Variants in ARNT observed in about 807,000 individuals in gnomAD.
ARNT encodes the protein class E basic helix-loop-helix protein 2.
Under a neutral mutation model 105.0 loss-of-function variants are expected in ARNT, and 30 were observed. The observed-to-expected ratio is 0.29, with a 90% CI of 0.21 to 0.39. ARNT has a LOEUF of 0.39. ARNT is among the 10% of genes least tolerant of loss of function. The probability of loss-of-function intolerance (pLI) is 1.00; values close to 1 mark genes in which losing one functional copy is unlikely to be tolerated. For missense variants in ARNT, 748 were observed against 978.7 expected, an observed-to-expected ratio of 0.76 and a Z score of 3.15; for synonymous variants, 304 against 344.0, an observed-to-expected ratio of 0.88 and a Z score of 1.29.
At chr1:150,863,538 A>G (rs1666031537) in intron 1 of ARNT, among the ~76,000 whole-genome samples, 1 of 151,906 alleles carries the variant, frequency 6.6e-6, no homozygotes, top group Non-Finnish European at 1.5e-5. Flanking sequence ...CCTTAAAAAA[A>G]GTAAAGGAGA....
At chr1:150,845,892 ACT>A (rs746655511) in intron 4 of ARNT, among the ~76,000 whole-genome samples, 100 of 152,130 alleles carry the variant, frequency 6.6e-4, no homozygotes, top group Non-Finnish European at 1.9e-4. Flanking sequence ...ACAGAGCAAG[ACT>A]CTGTCTCAAA....
intron 3 of ARNT, 96 bp from the exon 4 acceptor site, chr1:150,846,403 G>A: frequency 2.4e-6 from 3 of 1,238,690 alleles, no homozygotes; most frequent in African/African-American, 3.1e-5. Context: ...ATATTCAATA[G>A]AAAAAAAGCC....
At chr1:150,874,439 A>C (rs796770547) in intron 1 of ARNT, among the ~76,000 whole-genome samples, 5 of 152,308 alleles carry the variant, frequency 3.3e-5, no homozygotes, top group African/African-American at 1.2e-4. Flanking sequence ...TGTATTCCCA[A>C]CTTGGAGAGA....
chr1:150,829,627 G>GC, intron 11 of ARNT: 2 of 561,958 alleles, frequency 3.6e-6, no homozygotes, highest in Non-Finnish European at 3.2e-6. Flanking sequence ...TTCTTCTTTT[G>GC]TATAGGGGCA....
intron 19 of ARNT, among the ~76,000 whole-genome samples, chr1:150,815,000 G>C (rs902622863): frequency 2.6e-5 from 4 of 152,120 alleles, no homozygotes; most frequent in African/African-American, 9.7e-5. Flanking sequence ...TTCAGAAAGT[G>C]AAGGAAAATA....
At chr1:150,860,088 A>G in intron 1 of ARNT, among the ~76,000 whole-genome samples, 1 of 151,304 alleles carries the variant, frequency 6.6e-6, no homozygotes, top group Non-Finnish European at 1.5e-5. Context: ...AATATACATC[A>G]TGAATATCTA....
intron 12 of ARNT, 39 bp from the exon 13 acceptor site, chr1:150,826,656 T>A (rs1442317513): frequency 5.3e-6 from 8 of 1,495,422 alleles, no homozygotes; most frequent in Non-Finnish European, 7.3e-6. Flanking sequence ...ATACTTTTTT[T>A]TTTTTAAGAT....
At chr1:150,829,795 T>C in intron 11 of ARNT, 109 bp downstream of exon 11, 1 of 1,204,364 alleles carries the variant, frequency 8.3e-7, no homozygotes, top group Non-Finnish European at 1.2e-6. Context: ...TTGAGAGTTT[T>C]ATGGAATTCT....
chr1:150,843,565 AAGG>A (rs1251364307), intron 4 of ARNT, among the ~76,000 whole-genome samples: 1 of 152,232 alleles, frequency 6.6e-6, no homozygotes, highest in Non-Finnish European at 1.5e-5. Context: ...ATGACAAGAG[AAGG>A]AGAACTGAGT....
chr1:150,863,071 A>G (rs1665944452), intron 1 of ARNT, among the ~76,000 whole-genome samples: 1 of 148,132 alleles, frequency 6.8e-6, no homozygotes, highest in South Asian at 2.1e-4. Flanking sequence ...AAAAAAAAAG[A>G]TTACCATGGA....
At chr1:150,842,382 G>C in intron 5 of ARNT, 42 bp downstream of exon 5, 1 of 1,595,288 alleles carries the variant, frequency 6.3e-7, no homozygotes. Context: ...AGAAAAAGCA[G>C]CATCATCTGC....
At chr1:150,820,917 C>T (rs1234792309) in intron 14 of ARNT, among the ~76,000 whole-genome samples, 5 of 152,142 alleles carry the variant, frequency 3.3e-5, no homozygotes, top group Non-Finnish European at 7.4e-5. Flanking sequence ...CCTGTGCCAT[C>T]GAAAATTCGA....
intron 19 of ARNT, among the ~76,000 whole-genome samples, chr1:150,814,827 C>A (rs587717841): frequency 2.0e-5 from 3 of 150,146 alleles, no homozygotes; most frequent in Admixed American, 2.0e-4. Context: ...TGGGCAACAG[C>A]GAGACTCTGT....
chr1:150,810,341 G>A lies in ARNT; in HGVS notation c.*1680C>T, dbSNP rs185738909. On this transcript the variant is annotated 3_prime_UTR_variant, in exon 22 of 22. Transcript: ENST00000358595. ...TAGTCCTGATCACATTTAAAAAGTC[G>A]ATTATTAAAAAACAAGGGTTCCATT... 1.1e-4 allele frequency: 26 copies of A among 228,808 alleles called. No individual in the cohort carries two copies. The highest frequency in any genetic ancestry group is 4.9e-4 in the African/African-American group (22 of 45,078). 14.2% of individuals were successfully genotyped at this position (228,808 alleles called of 1,614,324 possible). A position where few individuals can be genotyped will look rare whatever the true frequency, so the allele number is the denominator to read the frequency against.
intron 20 of ARNT, 70 bp from the exon 21 acceptor site, chr1:150,813,408 T>A: frequency 1.4e-6 from 2 of 1,456,116 alleles, no homozygotes; most frequent in African/African-American, 1.4e-5. Flanking sequence ...ATGCCACAAG[T>A]AAACAACTAT....
chr1:150,852,984 G>A lies in ARNT; in HGVS notation c.138-178C>T, dbSNP rs587732140. 11 of 792,102 alleles carry A rather than the reference G, an allele frequency of 1.4e-5. No homozygotes were observed. In the African/African-American group the frequency reaches 1.6e-4, roughly 11 times the overall value. The allele number at this position is 792,102 out of a possible 1,614,324, so 49.1% of individuals were successfully genotyped here. The stretch of plus-strand genomic sequence containing the variant: ...TGTTCATAGTCCCAAACTAGGCAAA[G>A]AAGTACAAAACTGGGGCCAGGAGTG... On this transcript the variant is annotated intron_variant, in intron 2 of 21. Transcript: ENST00000358595.
chr1:150,867,780 C>A (rs1666844395), intron 1 of ARNT, among the ~76,000 whole-genome samples: 1 of 152,040 alleles, frequency 6.6e-6, no homozygotes, highest in Non-Finnish European at 1.5e-5. Context: ...CTAATGCTCT[C>A]TCATGATAGA....
Position 150,825,845 on chromosome 1 carries a change from T to TA in ARNT, c.1242+697dup, listed in dbSNP as rs138981555. Among the ~76,000 whole-genome samples the TA allele has an allele frequency of 3.9e-3, 550 of 139,530 alleles. 1 individual carries two copies. The highest frequency in any genetic ancestry group is 5.8e-3 in the Non-Finnish European group (373 of 64,036). The allele number at this position is 139,530 out of a possible 152,430, so 91.5% of individuals were successfully genotyped here. On this transcript the variant is annotated intron_variant, in intron 13 of 21. Transcript: ENST00000358595. ...CCTGGCGACAGAGCTAGACTCCTTC[T>TA]AAAAAAAAAAAAAAACTATATAAAA...
Position 150,864,252 on chromosome 1 carries a change from T to A in ARNT, c.26-5792A>T, listed in dbSNP as rs587715449. ...GGAATTTTTCATCTCCATTATAATC[T>A]TATGGGACCACCATCATACATGCAG... is the stretch of plus-strand genomic sequence containing the variant. On this transcript the variant is annotated intron_variant, in intron 1 of 21. Coordinates refer to ENST00000358595, the MANE Select transcript of ARNT (RefSeq NM_001668.4). 3.9e-5 allele frequency among the ~76,000 whole-genome samples: 6 copies of A among 152,222 alleles called. No homozygotes were observed. The South Asian group carries it at 1.2e-3, about 32-fold the overall frequency.
Sources: gnomAD v4.1 joint callset for allele counts (sites outside exome capture counted in the v4.1 genomes callset) on GRCh38, gnomAD v4.1.1 for gene constraint, MANE v1.5 for transcripts, NCBI Gene and HGNC (gene_info 2026-07-23, HGNC 2026-07-21) for gene names.